The following TPH2 variants were observed in gnomAD, a reference collection of about 807,000 sequenced individuals.
TPH2 encodes tryptophan hydroxylase 2.
Under a neutral mutation model 59.1 loss-of-function variants are expected in TPH2, and 27 were observed. That is an observed-to-expected ratio of 0.46 (90% confidence interval 0.34 to 0.63). The LOEUF (loss-of-function observed/expected upper bound fraction) is 0.63. TPH2 is among the 30% of genes least tolerant of loss of function. The pLI, the probability that TPH2 is intolerant of heterozygous loss-of-function variation, is 0.01. For missense variants in TPH2, 523 were observed against 588.3 expected, an observed-to-expected ratio of 0.89 and a Z score of 1.15; for synonymous variants, 220 against 210.5, an observed-to-expected ratio of 1.05 and a Z score of -0.39.
At chr12:72,023,017 A>C (rs909824453) in intron 9 of TPH2, among the ~76,000 whole-genome samples, 2 of 152,244 alleles carry the variant, frequency 1.3e-5, no homozygotes, top group Admixed American at 6.5e-5. Flanking sequence ...GTATATTATC[A>C]GAGAGGTATC....
chr12:71,969,573 G>T (rs1419027121), intron 5 of TPH2, among the ~76,000 whole-genome samples: 3 of 152,172 alleles, frequency 2.0e-5, no homozygotes, highest in African/African-American at 7.2e-5. Flanking sequence ...TACTGGGAAG[G>T]TTAAATGAGT....
chr12:72,008,200 T>C (rs1873006201), intron 8 of TPH2, among the ~76,000 whole-genome samples: 1 of 152,142 alleles, frequency 6.6e-6, no homozygotes, highest in African/African-American at 2.4e-5. Flanking sequence ...AGCAGTCAAA[T>C]TGGTAAATTT....
chr12:71,990,816 G>C (rs186332693), intron 7 of TPH2, among the ~76,000 whole-genome samples: 1 of 152,290 alleles, frequency 6.6e-6, no homozygotes, highest in Admixed American at 6.5e-5. Flanking sequence ...GGGTCTCTGC[G>C]TGGAAATGGA....
At chr12:71,967,390 TC>T (rs1871848079) in intron 5 of TPH2, among the ~76,000 whole-genome samples, 1 of 152,198 alleles carries the variant, frequency 6.6e-6, no homozygotes, top group South Asian at 2.1e-4. Context: ...CAGAGAGTTT[TC>T]CCTGTTTTCA....
chr12:71,977,910 A>G (rs916869163), intron 6 of TPH2, among the ~76,000 whole-genome samples: 1 of 152,224 alleles, frequency 6.6e-6, no homozygotes, highest in South Asian at 2.1e-4. Flanking sequence ...TCGGTCAACA[A>G]TGGACCTCAT....
chr12:72,022,962 A>T (rs529416675), intron 9 of TPH2, among the ~76,000 whole-genome samples: 1 of 152,366 alleles, frequency 6.6e-6, no homozygotes, highest in African/African-American at 2.4e-5. Context: ...AATGTGCATT[A>T]AAACATGTGT....
chr12:72,009,607 A>G (rs928813432), intron 8 of TPH2, among the ~76,000 whole-genome samples: 3 of 152,204 alleles, frequency 2.0e-5, no homozygotes, highest in Admixed American at 6.5e-5. Flanking sequence ...AAATGGTGAG[A>G]CTAAGAAAAC....
At chr12:72,031,427 CTT>C in intron 10 of TPH2, 36 bp downstream of exon 10, 1 of 1,613,004 alleles carries the variant, frequency 6.2e-7, no homozygotes, top group Non-Finnish European at 8.5e-7. Context: ...GAGAAAATAA[CTT>C]TTTATTTTTC....
intron 9 of TPH2, 107 bp from the exon 10 acceptor site, chr12:72,031,151 A>C: frequency 7.0e-7 from 1 of 1,419,868 alleles, no homozygotes; most frequent in Non-Finnish European, 9.9e-7. Flanking sequence ...GTAACTGAGC[A>C]GCTCTGTAGG....
chr12:71,992,050 G>A (rs1380456689), intron 7 of TPH2, among the ~76,000 whole-genome samples: 3 of 152,170 alleles, frequency 2.0e-5, no homozygotes, highest in Non-Finnish European at 4.4e-5. Context: ...TAGCCATTCG[G>A]TATTTTTAAA....
chr12:72,017,590 G>A (rs1873295468), intron 8 of TPH2, among the ~76,000 whole-genome samples: 1 of 152,090 alleles, frequency 6.6e-6, no homozygotes, highest in Admixed American at 6.6e-5. Flanking sequence ...ATTTGTTTCT[G>A]TTTAAAAGAC....
At chr12:71,942,143 C>T (rs1335590338) in intron 2 of TPH2, among the ~76,000 whole-genome samples, 2 of 152,186 alleles carry the variant, frequency 1.3e-5, no homozygotes, top group Admixed American at 1.3e-4. Context: ...AACTGAGATA[C>T]ATGAATATAG....
chr12:71,972,159 T>C (rs1871989946), intron 5 of TPH2, among the ~76,000 whole-genome samples: 1 of 152,194 alleles, frequency 6.6e-6, no homozygotes, highest in African/African-American at 2.4e-5. Flanking sequence ...TTTATTACTG[T>C]TGTTAGGTGT....
chr12:71,949,697 G>A (rs1462685740), intron 5 of TPH2, 42 bp downstream of exon 5: 1 of 1,524,880 alleles, frequency 6.6e-7, no homozygotes, highest in Non-Finnish European at 9.1e-7. Flanking sequence ...GGCTAGTTAG[G>A]AAAAACACAT....
intron 5 of TPH2, chr12:71,964,571 C>T: frequency 1.0e-6 from 1 of 984,962 alleles, no homozygotes; most frequent in Non-Finnish European, 1.2e-6. Flanking sequence ...GAGTATTTGG[C>T]TGTATATTGT....
intron 9 of TPH2, among the ~76,000 whole-genome samples, chr12:72,023,637 C>G (rs375374032): frequency 2.0e-5 from 3 of 151,866 alleles, no homozygotes; most frequent in South Asian, 4.2e-4. Flanking sequence ...CAAGATCAGC[C>G]TGGCCAACAT....
intron 8 of TPH2, among the ~76,000 whole-genome samples, chr12:72,004,023 T>C (rs1872888509): frequency 6.6e-6 from 1 of 151,276 alleles, no homozygotes; most frequent in African/African-American, 2.4e-5. Context: ...CCCACCATGC[T>C]TTGCACACAC....
intron 8 of TPH2, among the ~76,000 whole-genome samples, chr12:72,014,396 T>TC (rs1235660386): frequency 3.5e-5 from 1 of 28,882 alleles, no homozygotes; most frequent in Non-Finnish European, 8.1e-5. Flanking sequence ...TCTTTTTTTC[T>TC]TTTTTTTTTT....
intron 8 of TPH2, among the ~76,000 whole-genome samples, chr12:72,004,362 G>A (rs1592407574): frequency 6.7e-6 from 1 of 150,314 alleles, no homozygotes; most frequent in Non-Finnish European, 1.5e-5. Flanking sequence ...ATGTACATAT[G>A]ACATTATCTA....
Sources: allele counts gnomAD v4.1 joint callset (sites outside exome capture counted in the v4.1 genomes callset), GRCh38; gene constraint gnomAD v4.1.1; transcripts MANE v1.5; gene names NCBI Gene and HGNC (gene_info 2026-07-23, HGNC 2026-07-21).